Variants in MCF2L2 observed in about 807,000 individuals in gnomAD.
MCF2L2 encodes the protein MCF.2 cell line derived transforming sequence-like 2, also known as probable guanine nucleotide exchange factor MCF2L2.
MCF2L2 carries 102 observed loss-of-function variants against 150.2 expected under a neutral mutation model. The ratio of observed to expected loss-of-function variants is 0.68; its 90% CI spans 0.58 to 0.80. The LOEUF (loss-of-function observed/expected upper bound fraction) is 0.80, where lower values mean the gene tolerates loss of function less well. Ranked by LOEUF, MCF2L2 falls within the 30% of genes least tolerant of loss-of-function variation. The pLI, the probability that MCF2L2 is intolerant of heterozygous loss-of-function variation, is 0.00. For synonymous variants in MCF2L2, 465 were observed against 491.3 expected, an observed-to-expected ratio of 0.95 and a Z score of 0.71; for missense variants, 1,256 against 1,372.8, an observed-to-expected ratio of 0.91 and a Z score of 1.34.
At position 183,283,887 on chromosome 3, in the gene MCF2L2, G is replaced by A. The variant is rs1021371283; in HGVS notation, c.1776+5233C>T. On this transcript the variant is annotated intron_variant, in intron 14 of 29. Coordinates refer to ENST00000328913, the MANE Select transcript of MCF2L2 (RefSeq NM_015078.4). The surrounding 1 kb of genome is among the most constrained non-coding windows in gnomAD (Gnocchi z 4.2). Reference sequence around the variant, plus strand: ...TGAAAGCCATCCTTGATGTCCTTGTGAGGAATTACTTTCTCTACCACATTA... The same window carrying A: ...TGAAAGCCATCCTTGATGTCCTTGTAAGGAATTACTTTCTCTACCACATTA... Among the ~76,000 whole-genome samples the A allele has an allele frequency of 6.6e-6, 1 of 152,150 alleles. No individual in the cohort carries two copies. Among genetic ancestry groups the A allele is most frequent in the Non-Finnish European group, 1.5e-5 (1 of 68,020 alleles).
At chr3:183,273,171 A>G in intron 15 of MCF2L2, 2 of 512,226 alleles carry the variant, frequency 3.9e-6, no homozygotes, top group South Asian at 3.4e-5. Context: ...AAAATAAACT[A>G]TCAGCTTGGA....
intron 14 of MCF2L2, among the ~76,000 whole-genome samples, chr3:183,284,156 G>A (rs76538172): frequency 0.019 from 2,936 of 152,212 alleles, 56 homozygotes; most frequent in East Asian, 0.052. Flanking sequence ...CAAGGCCAAC[G>A]TTGATCTTAA....
rs138386995 is a variant in MCF2L2, at chr3:183,270,013, G to A, written c.1862+6859C>T. ...CTTAAGCACACCTCAGCGGGGCCTC[G>A]CTACCAATACTTGATTAACCACAAG... On this transcript the variant is annotated intron_variant, in intron 15 of 29. Coordinates refer to ENST00000328913, the MANE Select transcript of MCF2L2 (RefSeq NM_015078.4). The surrounding 1 kb of genome is among the most constrained non-coding windows in gnomAD (Gnocchi z 4.5). The A allele has an allele frequency of 5.3e-4, 853 of 1,614,038 alleles. 2 individuals carry two copies. In the African/African-American group the frequency reaches 8.5e-3, roughly 16 times the overall value.
intron 2 of MCF2L2, among the ~76,000 whole-genome samples, chr3:183,384,308 T>G (rs1296275671): frequency 6.6e-6 from 1 of 152,228 alleles, no homozygotes; most frequent in African/African-American, 2.4e-5. Context: ...AACAGCCCTT[T>G]CCTAAAGCAG....
At chr3:183,285,419 C>G (rs1396514721) in intron 14 of MCF2L2, among the ~76,000 whole-genome samples, 1 of 152,232 alleles carries the variant, frequency 6.6e-6, no homozygotes, top group Non-Finnish European at 1.5e-5. Flanking sequence ...TAGTAAACAG[C>G]TAGTTTCAAA....
At chr3:183,355,718 G>A (rs532896328) in intron 3 of MCF2L2, among the ~76,000 whole-genome samples, 169 of 148,630 alleles carry the variant, frequency 1.1e-3, no homozygotes, top group South Asian at 3.6e-3. Flanking sequence ...CGCCTGCCTC[G>A]GCCTCCCAAA....
intron 22 of MCF2L2, among the ~76,000 whole-genome samples, chr3:183,215,371 A>G (rs1434442640): frequency 1.3e-5 from 1 of 74,642 alleles, no homozygotes; most frequent in Non-Finnish European, 3.7e-5. Flanking sequence ...CAAAGAGATC[A>G]TACAGTTATA....
intron 26 of MCF2L2, among the ~76,000 whole-genome samples, chr3:183,193,518 T>A (rs1235022741): frequency 6.6e-6 from 1 of 151,996 alleles, no homozygotes; most frequent in Non-Finnish European, 1.5e-5. Flanking sequence ...ACCCAGCTAA[T>A]TTTTGTATTT....
chr3:183,342,276 G>T (rs1192699024), intron 3 of MCF2L2, among the ~76,000 whole-genome samples: 2 of 152,118 alleles, frequency 1.3e-5, no homozygotes, highest in African/African-American at 4.8e-5. Context: ...TCTCCTTTGG[G>T]AAGAAGCACG....
chr3:183,231,023 T>A lies in MCF2L2; in HGVS notation c.1863-6A>T. 1 of 1,610,954 alleles carries A rather than the reference T, an allele frequency of 6.2e-7. No homozygotes were observed. Among genetic ancestry groups the A allele is most frequent in the Non-Finnish European group, 8.5e-7 (1 of 1,177,508 alleles). Reference sequence around the variant, plus strand: ...GCAAGTCACGTATAATGCGCCTGAATCACAGCAGCAGGTGGGAGGGTGAAA... The same window carrying A: ...GCAAGTCACGTATAATGCGCCTGAAACACAGCAGCAGGTGGGAGGGTGAAA... On this transcript the variant is annotated splice_region_variant and splice_polypyrimidine_tract_variant and intron_variant, in intron 15 of 29. Coordinates refer to ENST00000328913, the MANE Select transcript of MCF2L2 (RefSeq NM_015078.4).
chr3:183,192,451 T>C (rs529748434), intron 27 of MCF2L2, among the ~76,000 whole-genome samples: 50 of 152,298 alleles, frequency 3.3e-4, no homozygotes, highest in Middle Eastern at 6.8e-3. Flanking sequence ...GGGGCCATTA[T>C]TAAGTAAAAT....
intron 9 of MCF2L2, chr3:183,310,421 G>T: frequency 5.4e-6 from 1 of 184,250 alleles, no homozygotes; most frequent in Non-Finnish European, 1.2e-5. Flanking sequence ...AGAATCGCTT[G>T]AACCTGGGAG....
intron 1 of MCF2L2, among the ~76,000 whole-genome samples, chr3:183,394,640 T>C (rs947973427): frequency 1.3e-5 from 2 of 152,226 alleles, no homozygotes; most frequent in African/African-American, 4.8e-5. Context: ...TTTTATCTTA[T>C]CCATAATGAA....
chr3:183,326,421 G>T (rs1456599986), intron 5 of MCF2L2, among the ~76,000 whole-genome samples: 1 of 144,824 alleles, frequency 6.9e-6, no homozygotes, highest in South Asian at 2.2e-4. Flanking sequence ...GAATTCAGGA[G>T]GCGGAGGTTG....
intron 15 of MCF2L2, among the ~76,000 whole-genome samples, chr3:183,273,759 G>A (rs903595145): frequency 3.3e-5 from 5 of 152,014 alleles, no homozygotes; most frequent in African/African-American, 4.8e-5. Context: ...ACTTTCCATT[G>A]TCTTACAATT....
intron 1 of MCF2L2, among the ~76,000 whole-genome samples, chr3:183,411,766 G>A (rs1259177971): frequency 1.3e-5 from 2 of 152,104 alleles, no homozygotes; most frequent in South Asian, 2.1e-4. Context: ...TTGGTTCCTG[G>A]ATAACAAATG....
chr3:183,406,261 AT>A (rs1378145021), intron 1 of MCF2L2, among the ~76,000 whole-genome samples: 2 of 151,856 alleles, frequency 1.3e-5, no homozygotes, highest in African/African-American at 2.4e-5. Flanking sequence ...TGGTATCGTC[AT>A]TTTTTTTAGT....
In MCF2L2 at chr3:183,270,350, A is replaced by G. The variant is rs1243879013; in HGVS notation, c.1862+6522T>C. 3.1e-6 allele frequency: 5 copies of G among 1,614,212 alleles called. No individual in the cohort carries two copies. The Admixed American group carries it at 8.3e-5, about 27-fold the overall frequency. ...TCAGTTGGGCAAATACCTATTGTCC[A>G]CATGCCAAATTTCTTATGACTGCTG... On this transcript the variant is annotated intron_variant, in intron 15 of 29. Coordinates refer to ENST00000328913, the MANE Select transcript of MCF2L2 (RefSeq NM_015078.4). This position sits in a 1 kb window ranked among gnomAD's most constrained non-coding sequence, Gnocchi z 4.5.
intron 3 of MCF2L2, among the ~76,000 whole-genome samples, chr3:183,371,311 A>G (rs1712859401): frequency 6.6e-6 from 1 of 152,162 alleles, no homozygotes; most frequent in African/African-American, 2.4e-5. Context: ...GCTTGCTCTT[A>G]TACATTTTAA....
Sources: allele counts gnomAD v4.1 joint callset (sites outside exome capture counted in the v4.1 genomes callset), GRCh38; gene constraint gnomAD v4.1.1; non-coding constraint Gnocchi (gnomAD v3.1); transcripts MANE v1.5; gene names NCBI Gene and HGNC (gene_info 2026-07-23, HGNC 2026-07-21).